Variants in ULK4 observed in about 807,000 individuals in gnomAD.
ULK4 encodes inactive serine/threonine-protein kinase ULK4.
ULK4 carries 133 observed loss-of-function variants against 160.6 expected under a neutral mutation model. The ratio of observed to expected loss-of-function variants is 0.83; its 90% CI spans 0.72 to 0.96. The LOEUF is 0.96. Ranked by LOEUF, ULK4 falls within the 40% of genes least tolerant of loss-of-function variation. The probability of loss-of-function intolerance (pLI) is 0.00; values close to 1 mark genes in which losing one functional copy is unlikely to be tolerated. For synonymous variants in ULK4, 534 were observed against 539.8 expected (o/e 0.99, Z 0.15); for missense variants, 1,580 against 1,499.5 (o/e 1.05, Z -0.89).
chr3:41,246,778 G>A lies in ULK4; in HGVS notation c.*151C>T, dbSNP rs923844964. On this transcript the variant is annotated 3_prime_UTR_variant, in exon 37 of 37. Transcript: ENST00000301831. ...GTTTTCTAGGCCCTGGGGTTAGTGA[G>A]CACTTGGGCCACCAGGTTCTGGGTT... 2.1e-5 allele frequency: 18 copies of A among 852,626 alleles called. No individual in the cohort carries two copies. Among genetic ancestry groups the A allele is most frequent in the Non-Finnish European group, 3.1e-5 (17 of 552,092 alleles). 52.8% of individuals were successfully genotyped at this position (852,626 alleles called of 1,614,324 possible).
intron 4 of ULK4, among the ~76,000 whole-genome samples, chr3:41,935,471 C>T (rs947487552): frequency 7.9e-5 from 12 of 151,612 alleles, no homozygotes; most frequent in Middle Eastern, 3.2e-3. Flanking sequence ...CCTCGTGATC[C>T]GCCCGCCTCA....
At chr3:41,667,470 C>A (rs1433504398) in intron 29 of ULK4, among the ~76,000 whole-genome samples, 3 of 152,132 alleles carry the variant, frequency 2.0e-5, no homozygotes, top group Non-Finnish European at 4.4e-5. Flanking sequence ...TTATTAAGCT[C>A]GTCTTTGAAA....
chr3:41,289,854 TGTAC>T (rs1469050803), intron 35 of ULK4, among the ~76,000 whole-genome samples: 161 of 137,648 alleles, frequency 1.2e-3, no homozygotes, highest in Admixed American at 4.3e-3. Context: ...TATGTATGTA[TGTAC>T]GTATGTATGT....
intron 32 of ULK4, among the ~76,000 whole-genome samples, chr3:41,482,658 G>A (rs1359456575): frequency 6.6e-6 from 1 of 152,168 alleles, no homozygotes; most frequent in Non-Finnish European, 1.5e-5. Flanking sequence ...GTCTCCAGTT[G>A]TCAAAATTCA....
At chr3:41,447,836 A>G (rs764342565) in intron 34 of ULK4, among the ~76,000 whole-genome samples, 6 of 152,152 alleles carry the variant, frequency 3.9e-5, no homozygotes, top group African/African-American at 9.7e-5. Context: ...AGGCTGCCCA[A>G]TGAATGTCAG....
chr3:41,640,387 G>A (rs911997784), intron 30 of ULK4, among the ~76,000 whole-genome samples: 2 of 152,082 alleles, frequency 1.3e-5, no homozygotes, highest in Non-Finnish European at 2.9e-5. Context: ...AAGACCTCCT[G>A]CAATAAAATA....
chr3:41,719,856 G>A (rs2037390636), intron 22 of ULK4, among the ~76,000 whole-genome samples: 1 of 152,080 alleles, frequency 6.6e-6, no homozygotes, highest in South Asian at 2.1e-4. Context: ...TCCCTATCAT[G>A]AACTTCACGG....
chr3:41,321,869 C>T (rs1228383764), intron 35 of ULK4, among the ~76,000 whole-genome samples: 1 of 143,752 alleles, frequency 7.0e-6, no homozygotes, highest in Non-Finnish European at 1.5e-5. Flanking sequence ...GACAGCCCAC[C>T]CCAAGAGAAG....
intron 17 of ULK4, among the ~76,000 whole-genome samples, chr3:41,875,072 G>A (rs1285261129): frequency 6.6e-6 from 1 of 152,156 alleles, no homozygotes; most frequent in East Asian, 1.9e-4. Context: ...CCCAGCTACT[G>A]GGGAGGCTGA....
intron 32 of ULK4, among the ~76,000 whole-genome samples, chr3:41,549,797 A>T (rs1320012459): frequency 6.6e-6 from 1 of 152,156 alleles, no homozygotes; most frequent in Non-Finnish European, 1.5e-5. Context: ...CAGTAAGAAA[A>T]AAAAGTGTCA....
intron 5 of ULK4, among the ~76,000 whole-genome samples, chr3:41,931,332 G>T (rs184101906): frequency 7.8e-4 from 119 of 152,136 alleles, no homozygotes; most frequent in African/African-American, 2.7e-3. Flanking sequence ...GGCCTGTCAG[G>T]GGGTAGGGGT....
chr3:41,691,645 C>T (rs573507295), intron 27 of ULK4, among the ~76,000 whole-genome samples: 2 of 151,960 alleles, frequency 1.3e-5, no homozygotes, highest in African/African-American at 4.8e-5. Context: ...CCTTTAACAT[C>T]CATTGATTTT....
At chr3:41,349,866 T>C (rs2080874301) in intron 35 of ULK4, among the ~76,000 whole-genome samples, 1 of 152,194 alleles carries the variant, frequency 6.6e-6, no homozygotes, top group Non-Finnish European at 1.5e-5. Context: ...TAAATAATTT[T>C]TCCCCTATAA....
intron 32 of ULK4, among the ~76,000 whole-genome samples, chr3:41,486,828 A>C (rs1319748709): frequency 6.6e-6 from 1 of 152,194 alleles, no homozygotes; most frequent in Non-Finnish European, 1.5e-5. Context: ...TTGTATACAC[A>C]ATCTCAAGGG....
rs142365834 is a variant in ULK4 at position 41,622,133 on chromosome 3, A to G, written c.3072-6416T>C. 4.6e-3 allele frequency among the ~76,000 whole-genome samples: 700 copies of G among 152,372 alleles called. 2 individuals are homozygous for G. Among genetic ancestry groups the G allele is most frequent in the Middle Eastern group, 6.8e-3 (2 of 294 alleles). On this transcript the variant is annotated intron_variant, in intron 30 of 36. Transcript: ENST00000301831. ...ACACCAGATACTGGCAAGGCTGTGGAGAAATAGGAACACTTTTACACTGTT... is the reference window on the plus strand; with the variant it reads ...ACACCAGATACTGGCAAGGCTGTGGGGAAATAGGAACACTTTTACACTGTT...
At chr3:41,890,704 A>G (rs1697898245) in intron 16 of ULK4, among the ~76,000 whole-genome samples, 1 of 128,752 alleles carries the variant, frequency 7.8e-6, no homozygotes, top group South Asian at 2.7e-4. Context: ...AAAAGAAGGG[A>G]AGGAAGGGAC....
At chr3:41,900,616 A>T in intron 13 of ULK4, 109 bp downstream of exon 13, 5 of 907,632 alleles carry the variant, frequency 5.5e-6, no homozygotes, top group Non-Finnish European at 8.3e-6. Flanking sequence ...GAAGCAGACA[A>T]GAGAAACAGG....
chr3:41,912,100 G>A (rs1431790844), intron 9 of ULK4, among the ~76,000 whole-genome samples: 1 of 152,062 alleles, frequency 6.6e-6, no homozygotes, highest in Non-Finnish European at 1.5e-5. Context: ...GGCCACAGCG[G>A]GCAAATCGCT....
intron 21 of ULK4, among the ~76,000 whole-genome samples, chr3:41,788,639 G>C (rs2040063808): frequency 6.6e-6 from 1 of 151,618 alleles, no homozygotes; most frequent in African/African-American, 2.4e-5. Context: ...GCAGTGAGCT[G>C]AGATCACACC....
Sources: allele counts gnomAD v4.1 joint callset (sites outside exome capture counted in the v4.1 genomes callset), GRCh38; gene constraint gnomAD v4.1.1; transcripts MANE v1.5; gene names NCBI Gene and HGNC (gene_info 2026-07-23, HGNC 2026-07-21).